MTMR11: variants seen among roughly 807,000 people sequenced by gnomAD.
MTMR11 encodes the protein myotubularin-related protein 11.
Under a neutral mutation model 100.0 loss-of-function variants are expected in MTMR11, and 89 were observed. The observed-to-expected ratio is 0.89, with a 90% CI of 0.75 to 1.06. The LOEUF (loss-of-function observed/expected upper bound fraction) is 1.06, where lower values mean the gene tolerates loss of function less well. Ranked by LOEUF, MTMR11 falls within the 50% of genes least tolerant of loss-of-function variation. The pLI, the probability that MTMR11 is intolerant of heterozygous loss-of-function variation, is 0.00. For synonymous variants in MTMR11, 336 were observed against 326.3 expected, an observed-to-expected ratio of 1.03 and a Z score of -0.32; for missense variants, 809 against 873.7, an observed-to-expected ratio of 0.93 and a Z score of 0.93.
At chr1:149,931,220 T>G in intron 13 of MTMR11, 40 bp downstream of exon 13, 1 of 1,611,552 alleles carries the variant, frequency 6.2e-7, no homozygotes, top group Non-Finnish European at 8.5e-7. Flanking sequence ...TCTTACTTCC[T>G]TAGTAATATG....
At chr1:149,936,357 C>T in intron 1 of MTMR11, 128 bp from the exon 2 acceptor site, 1 of 1,496,906 alleles carries the variant, frequency 6.7e-7, no homozygotes. Flanking sequence ...CTGTGGGGAG[C>T]TCCAGACCTA....
chr1:149,929,964 T>C, intron 15 of MTMR11, 48 bp from the exon 16 acceptor site: 1 of 1,561,090 alleles, frequency 6.4e-7, no homozygotes, highest in East Asian at 2.2e-5. Context: ...CAGATAACCC[T>C]AGTTTCCCCA....
Position 149,932,015 on chromosome 1 carries a change from C to T in MTMR11, c.1053-1G>A, listed in dbSNP as rs782560927. The T allele has an allele frequency of 1.9e-6, 3 of 1,612,828 alleles. No individual in the cohort carries two copies. The highest frequency in any genetic ancestry group is 2.2e-5 in the East Asian group (1 of 44,864). ...GTCACTGGCCTTTCGAAGACAAGCC[C>T]TGGAGGAGCAGGTGAGGAAGAGGGA... On this transcript the variant is annotated splice_acceptor_variant, in intron 11 of 16. Transcript: ENST00000439741. LOFTEE classifies it high-confidence loss of function.
chr1:149,929,422 T>C (rs1407724619), intron 16 of MTMR11, 105 bp from the exon 17 acceptor site: 1 of 1,252,530 alleles, frequency 8.0e-7, no homozygotes, highest in African/African-American at 1.5e-5. Context: ...CTTTCAGCTA[T>C]GCCCTAAATT....
rs2092705882 is a variant in MTMR11 at position 149,935,095 on chromosome 1, GGACGGAGGAGCTGGACTCGGGACAAGCC to G, written c.331_358del (p.Gly111GlnfsTer13). ...AGGGATAAATTTATGCAGGGACCCT[GGACGGAGGAGCTGGACTCGGGACAAGCC>G]GCTCACTGAAGTCAAGAGGTACAGA... On this transcript the variant is annotated frameshift_variant, in exon 5 of 17. Transcript: ENST00000439741. LOFTEE classifies it high-confidence loss of function. 6.2e-7 allele frequency: 1 copy of G among 1,614,056 alleles called. No individual in the cohort carries two copies. The highest frequency in any genetic ancestry group is 8.5e-7 in the Non-Finnish European group (1 of 1,180,036).
At chr1:149,936,526 C>T (rs2092724599) in intron 1 of MTMR11, 56 bp downstream of exon 1, 1 of 1,345,910 alleles carries the variant, frequency 7.4e-7, no homozygotes, top group Admixed American at 2.1e-5. Context: ...CTTTTATCTC[C>T]ACCTCATCCC....
In MTMR11 at chr1:149,929,838, A is replaced by C; in HGVS notation, c.1726T>G (p.Cys576Gly). The change falls in exon 16 of 17, where the codon TGT (cysteine) becomes GGT (glycine). Residue 576 changes from cysteine (C) to glycine (G), a missense_variant. By Grantham distance (159) the Cys-to-Gly change is radical. Coordinates refer to ENST00000439741, the MANE Select transcript of MTMR11 (RefSeq NM_001145862.2). ...AGGGAAGGACTGTCCCGCCAAGGACAGAGCTGATTCAGGGGGGTCAATGCT... is the reference window on the plus strand; with the variant it reads ...AGGGAAGGACTGTCCCGCCAAGGACCGAGCTGATTCAGGGGGGTCAATGCT... ...RGALTPLNQL[C>G]PWRDSPSLLA... 6.2e-7 allele frequency: 1 copy of C among 1,614,226 alleles called. No individual in the cohort carries two copies. The highest frequency in any genetic ancestry group is 8.5e-7 in the Non-Finnish European group (1 of 1,180,024).
Position 149,928,958 on chromosome 1 carries a change from A to G in MTMR11, c.*171T>C. ...TTGTTTCTTAATCCTTCAAATGACA[A>G]GAAGCAAAAATATTTGTAGAAACTA... On this transcript the variant is annotated 3_prime_UTR_variant, in exon 17 of 17. Transcript: ENST00000439741. 1.9e-6 allele frequency: 3 copies of G among 1,613,694 alleles called. No individual in the cohort carries two copies. Among genetic ancestry groups the G allele is most frequent in the Non-Finnish European group, 2.5e-6 (3 of 1,179,768 alleles).
chr1:149,930,300 C>A, intron 15 of MTMR11, 65 bp downstream of exon 15: 2 of 1,470,056 alleles, frequency 1.4e-6, no homozygotes. Flanking sequence ...TCTTTCACTT[C>A]TCACTGTCTA....
chr1:149,929,655 G>A lies in MTMR11; in HGVS notation c.1909C>T (p.Arg637Cys), dbSNP rs371578546. 118 of 1,613,328 alleles carry A rather than the reference G, an allele frequency of 7.3e-5. No individual in the cohort carries two copies. The highest frequency in any genetic ancestry group is 8.3e-5 in the Admixed American group (5 of 59,976). Residue 637 changes from arginine (R) to cysteine (C), a missense_variant, in exon 16 of 17, where the codon CGC (arginine) becomes TGC (cysteine). Physicochemically the swap from Arg to Cys is radical, Grantham distance 180. Coordinates refer to ENST00000439741, the MANE Select transcript of MTMR11 (RefSeq NM_001145862.2). Reference protein sequence around the residue: ...YLGPQIRLWRRCYLRGRPEVQ... With the variant: ...YLGPQIRLWRCCYLRGRPEVQ... ...TCAGGCCTTCCCCTCAGGTAGCAGC[G>A]TCTCCAGAGCCTGATCTGGGGTCCC...
At chr1:149,932,421 T>A in intron 10 of MTMR11, 91 bp from the exon 11 acceptor site, 1 of 989,780 alleles carries the variant, frequency 1.0e-6, no homozygotes, top group Admixed American at 1.9e-5. Context: ...AGAACAGGAA[T>A]GAAAAGTAAT....
chr1:149,931,472 A>C (rs782228227), intron 12 of MTMR11, 46 bp from the exon 13 acceptor site: 7 of 1,511,202 alleles, frequency 4.6e-6, no homozygotes, highest in Non-Finnish European at 6.2e-6. Flanking sequence ...GGGTCCAAGA[A>C]ACTAGGGCAG....
intron 14 of MTMR11, 59 bp from the exon 15 acceptor site, chr1:149,930,606 A>G: frequency 2.0e-6 from 3 of 1,475,964 alleles, no homozygotes; most frequent in Non-Finnish European, 2.8e-6. Flanking sequence ...ATCTAGAGAC[A>G]AATCATGAGA....
chr1:149,933,534 G>A lies in MTMR11; in HGVS notation c.861-4C>T. ...CTGGAGCATCAACTCCACTGCTCTG[G>A]AGGGGAGGGAGTCAGGAAATAAGGA... is the stretch of plus-strand genomic sequence containing the variant. On this transcript the variant is annotated splice_polypyrimidine_tract_variant and splice_region_variant and intron_variant, in intron 9 of 16. Transcript: ENST00000439741. 6.2e-7 allele frequency: 1 copy of A among 1,614,074 alleles called. No individual in the cohort carries two copies. The highest frequency in any genetic ancestry group is 8.5e-7 in the Non-Finnish European group (1 of 1,179,938).
At chr1:149,929,570 G>T in intron 16 of MTMR11, 53 bp downstream of exon 16, 2 of 1,552,156 alleles carry the variant, frequency 1.3e-6, no homozygotes, top group South Asian at 1.2e-5. Context: ...TGTTCATCTG[G>T]TTCAGCAGAG....
chr1:149,935,183 G>A, intron 4 of MTMR11, 55 bp from the exon 5 acceptor site: 1 of 1,609,530 alleles, frequency 6.2e-7, no homozygotes, highest in Non-Finnish European at 8.5e-7. Context: ...TCTCCAGAAG[G>A]GACTCTTGCA....
At chr1:149,930,051 A>C in intron 15 of MTMR11, 135 bp from the exon 16 acceptor site, 1 of 971,734 alleles carries the variant, frequency 1.0e-6, no homozygotes, top group South Asian at 1.7e-5. Flanking sequence ...TCCCCATGAG[A>C]ACTCTTCTAC....
chr1:149,935,179 G>A, intron 4 of MTMR11, 51 bp from the exon 5 acceptor site: 1 of 1,611,806 alleles, frequency 6.2e-7, no homozygotes, highest in Middle Eastern at 1.7e-4. Context: ...AGTCTCTCCA[G>A]AAGGGACTCT....
intron 5 of MTMR11, 99 bp downstream of exon 5, chr1:149,934,887 T>G: frequency 1.4e-6 from 2 of 1,406,640 alleles, no homozygotes; most frequent in Non-Finnish European, 1.9e-6. Flanking sequence ...GGGGGAATGA[T>G]GAGAGGATCC....
Sources: allele counts gnomAD v4.1 joint callset, GRCh38; gene constraint gnomAD v4.1.1; transcripts MANE v1.5; gene names NCBI Gene and HGNC (gene_info 2026-07-23, HGNC 2026-07-21).